Variants in DOCK5 observed in about 807,000 individuals in gnomAD.
The protein encoded by DOCK5 is dedicator of cytokinesis protein 5.
Under a neutral mutation model 251.8 loss-of-function variants are expected in DOCK5, and 142 were observed. That is an observed-to-expected ratio of 0.56 (90% CI 0.49 to 0.65). The LOEUF is 0.65. Among genes scored for constraint, DOCK5 ranks in the 30% least tolerant of loss-of-function variants. DOCK5 has a pLI of 0.00. For missense variants in DOCK5, 2,111 were observed against 2,312.3 expected, an observed-to-expected ratio of 0.91 and a Z score of 1.79; for synonymous variants, 842 against 835.5, an observed-to-expected ratio of 1.01 and a Z score of -0.13.
chr8:25,283,211 C>T (rs1444246651), intron 5 of DOCK5, among the ~76,000 whole-genome samples: 6 of 152,136 alleles, frequency 3.9e-5, no homozygotes, highest in African/African-American at 1.4e-4. Flanking sequence ...TGACTCCCCC[C>T]GTGGTCTCTC....
chr8:25,246,700 TAGTTTGTGTGTGTGTGTGTGTG>T (rs1803120892), intron 2 of DOCK5, among the ~76,000 whole-genome samples: 1 of 120,918 alleles, frequency 8.3e-6, no homozygotes, highest in Non-Finnish European at 1.7e-5. Flanking sequence ...ACTGCCATGT[TAGTTTGTGTGTGTGTGTGTGTG>T]TGTGTGTGTG....
chr8:25,321,143 T>C (rs1407009299), intron 16 of DOCK5, 91 bp downstream of exon 16: 2 of 1,098,560 alleles, frequency 1.8e-6, no homozygotes, highest in South Asian at 2.7e-5. Context: ...AACAAGATAT[T>C]TGGAAACTAG....
At chr8:25,370,501 T>TA (rs1800854137) in intron 34 of DOCK5, among the ~76,000 whole-genome samples, 1 of 116,176 alleles carries the variant, frequency 8.6e-6, no homozygotes, top group Non-Finnish European at 2.0e-5. Context: ...TATTACAATT[T>TA]GTTTTTGGTG....
intron 11 of DOCK5, among the ~76,000 whole-genome samples, chr8:25,306,013 T>G (rs1168917235): frequency 6.6e-6 from 1 of 152,202 alleles, no homozygotes; most frequent in African/African-American, 2.4e-5. Context: ...TCGGACCAGT[T>G]TCTAAACATA....
intron 1 of DOCK5, among the ~76,000 whole-genome samples, chr8:25,241,675 A>T (rs112110063): frequency 0.027 from 4,132 of 152,242 alleles, 212 homozygotes; most frequent in African/African-American, 0.094. Flanking sequence ...GGATTATAAA[A>T]CATGCTACTA....
chr8:25,312,043 T>A (rs1260672395), intron 13 of DOCK5, among the ~76,000 whole-genome samples: 2 of 152,194 alleles, frequency 1.3e-5, no homozygotes, highest in African/African-American at 4.8e-5. Context: ...GGGTCTTAAA[T>A]GAGTATTTGT....
intron 38 of DOCK5, among the ~76,000 whole-genome samples, chr8:25,379,115 A>G (rs1045032159): frequency 2.6e-5 from 4 of 152,216 alleles, no homozygotes; most frequent in Admixed American, 1.3e-4. Context: ...AAGAGGGTCT[A>G]TGTTCAGCGG....
intron 45 of DOCK5, chr8:25,395,942 A>T: frequency 1.5e-6 from 1 of 646,258 alleles, no homozygotes; most frequent in Non-Finnish European, 2.8e-6. Context: ...GTCACAGAAA[A>T]AAAACCAACA....
At chr8:25,305,933 C>CA (rs1804910497) in intron 11 of DOCK5, among the ~76,000 whole-genome samples, 1 of 151,882 alleles carries the variant, frequency 6.6e-6, no homozygotes, top group Non-Finnish European at 1.5e-5. Context: ...GTTTTTTATA[C>CA]AAAAAATATG....
Position 25,360,045 on chromosome 8 carries a change from T to C in DOCK5, c.2949+984T>C, listed in dbSNP as rs1320471596. ...CCGCTGGATTAGCACACTGTTGTCA[T>C]GTTGACACTAGTCTTTGGATAACTT... On this transcript the variant is annotated intron_variant, in intron 28 of 51. Transcript: ENST00000276440. Among the ~76,000 whole-genome samples, 4 of 152,212 alleles carry C rather than the reference T, an allele frequency of 2.6e-5. No homozygotes were observed. The East Asian group carries it at 7.7e-4, about 29-fold the overall frequency.
Position 25,411,306 on chromosome 8 carries a change from G to C in DOCK5, c.*8G>C. The stretch of plus-strand genomic sequence containing the variant: ...GAGCCTGGATCCCAGTAAGGATCTT[G>C]CCCTCCCTGCAACACCGAGTGCCTT... On this transcript the variant is annotated 3_prime_UTR_variant, in exon 52 of 52. Coordinates refer to ENST00000276440, the MANE Select transcript of DOCK5 (RefSeq NM_024940.8). 1.3e-6 allele frequency: 2 copies of C among 1,484,492 alleles called. No homozygotes were observed. The highest frequency in any genetic ancestry group is 1.8e-6 in the Non-Finnish European group (2 of 1,120,534). The allele number at this position is 1,484,492 out of a possible 1,614,324, so 92.0% of individuals were successfully genotyped here.
chr8:25,231,902 C>A (rs1430588474), intron 1 of DOCK5, among the ~76,000 whole-genome samples: 1 of 151,920 alleles, frequency 6.6e-6, no homozygotes, highest in African/African-American at 2.4e-5. Context: ...TTTTCTATAT[C>A]TATTAAGATG....
intron 22 of DOCK5, among the ~76,000 whole-genome samples, chr8:25,339,447 A>G (rs1017497196): frequency 4.6e-5 from 7 of 152,192 alleles, no homozygotes; most frequent in Non-Finnish European, 8.8e-5. Context: ...TGTGGGTTCC[A>G]TGGAGTTCAG....
In DOCK5 at chr8:25,356,084, G is replaced by C. The variant is rs530246312; in HGVS notation, c.2851-2879G>C. 2.0e-5 allele frequency among the ~76,000 whole-genome samples: 3 copies of C among 149,978 alleles called. No individual in the cohort carries two copies. In the East Asian group the frequency reaches 6.0e-4, roughly 30 times the overall value. On this transcript the variant is annotated intron_variant, in intron 27 of 51. Transcript: ENST00000276440. ...TTGTGGTGATGCATGGCTGTAGTCCGAGCTATTGGGAGGCTGAGGCAGGGG... is the reference window on the plus strand; with the variant it reads ...TTGTGGTGATGCATGGCTGTAGTCCCAGCTATTGGGAGGCTGAGGCAGGGG...
chr8:25,403,749 AG>A, intron 48 of DOCK5, 25 bp downstream of exon 48: 12 of 1,612,162 alleles, frequency 7.4e-6, no homozygotes, highest in Non-Finnish European at 1.0e-5. Flanking sequence ...TTTAATCTGC[AG>A]GAAGGGTGGG....
intron 1 of DOCK5, among the ~76,000 whole-genome samples, chr8:25,206,570 A>C (rs1299239946): frequency 1.3e-5 from 2 of 152,160 alleles, no homozygotes; most frequent in Non-Finnish European, 2.9e-5. Context: ...CTACATGACA[A>C]ATAGTTACAG....
chr8:25,267,423 C>G (rs1451014789), intron 2 of DOCK5, among the ~76,000 whole-genome samples: 2 of 151,956 alleles, frequency 1.3e-5, no homozygotes, highest in East Asian at 3.9e-4. Flanking sequence ...GAATATATGC[C>G]CAAAGAAGAT....
At chr8:25,321,484 C>A (rs1805423378) in intron 16 of DOCK5, among the ~76,000 whole-genome samples, 1 of 152,004 alleles carries the variant, frequency 6.6e-6, no homozygotes, top group African/African-American at 2.4e-5. Flanking sequence ...CAGTGGGAGC[C>A]CTGAGCTTGT....
intron 9 of DOCK5, 81 bp downstream of exon 9, chr8:25,300,738 A>C: frequency 1.4e-6 from 2 of 1,390,176 alleles, no homozygotes; most frequent in Admixed American, 4.5e-5. Flanking sequence ...GAAAACATAC[A>C]AAATGAAAAG....
Sources: gnomAD v4.1 joint callset for allele counts (sites outside exome capture counted in the v4.1 genomes callset) on GRCh38, gnomAD v4.1.1 for gene constraint, MANE v1.5 for transcripts, NCBI Gene and HGNC (gene_info 2026-07-23, HGNC 2026-07-21) for gene names.